KALRN: variants seen among roughly 807,000 people sequenced by gnomAD.
The protein encoded by KALRN is kalirin RhoGEF kinase, also known as kalirin.
In KALRN, 70 loss-of-function variants were observed where a neutral mutation model predicts 353.7. The observed-to-expected ratio is 0.20, with a 90% CI of 0.16 to 0.24. The LOEUF is 0.24. KALRN is among the 10% of genes least tolerant of loss of function. KALRN has a pLI of 1.00. For missense variants in KALRN, 2,791 were observed against 3,756.7 expected (o/e 0.74, Z 6.72); for synonymous variants, 1,391 against 1,434.8 (o/e 0.97, Z 0.69).
intron 51 of KALRN, among the ~76,000 whole-genome samples, chr3:124,680,940 C>G (rs1229112826): frequency 6.6e-6 from 1 of 152,144 alleles, no homozygotes; most frequent in Non-Finnish European, 1.5e-5. Context: ...GGATAGGCAC[C>G]AGCTCTCCTG....
chr3:124,560,323 A>G (rs183837050), intron 33 of KALRN, among the ~76,000 whole-genome samples: 6 of 152,306 alleles, frequency 3.9e-5, no homozygotes, highest in Admixed American at 1.3e-4. Flanking sequence ...TCAAGAAGCA[A>G]CCCTGAGCCC....
At chr3:124,165,061 G>A (rs1012874172) in intron 1 of KALRN, among the ~76,000 whole-genome samples, 20 of 152,170 alleles carry the variant, frequency 1.3e-4, no homozygotes, top group African/African-American at 2.9e-4. Flanking sequence ...TAGGTTTCTC[G>A]TAAACTGAGG....
At chr3:124,047,049 G>A (rs1300026086) in intron 1 of KALRN, among the ~76,000 whole-genome samples, 1 of 147,832 alleles carries the variant, frequency 6.8e-6, no homozygotes, top group Non-Finnish European at 1.5e-5. Flanking sequence ...TGAAGTCAAC[G>A]TTGTGAAATA....
intron 5 of KALRN, among the ~76,000 whole-genome samples, chr3:124,295,281 C>A (rs1034571654): frequency 2.2e-4 from 34 of 152,150 alleles, no homozygotes; most frequent in African/African-American, 7.7e-4. Context: ...CTCTTTGGAG[C>A]GCCACCTCCA....
chr3:124,054,892 C>T (rs1366890685), intron 1 of KALRN, among the ~76,000 whole-genome samples: 1 of 152,156 alleles, frequency 6.6e-6, no homozygotes, highest in African/African-American at 2.4e-5. Context: ...GTAGTTCCAA[C>T]CAAAGGATCT....
At chr3:124,446,080 C>T in intron 19 of KALRN, 81 bp from the exon 20 acceptor site, 1 of 806,990 alleles carries the variant, frequency 1.2e-6, no homozygotes, top group Non-Finnish European at 2.1e-6. Context: ...GGTCACCTGG[C>T]ACCTGGGCCG....
At chr3:124,582,241 G>A (rs2074701359) in intron 34 of KALRN, among the ~76,000 whole-genome samples, 1 of 152,092 alleles carries the variant, frequency 6.6e-6, no homozygotes, top group Non-Finnish European at 1.5e-5. Context: ...GGCTAGTCTT[G>A]AAGTCCTGAC....
At chr3:124,366,160 C>T (rs2084662097) in intron 10 of KALRN, among the ~76,000 whole-genome samples, 1 of 151,786 alleles carries the variant, frequency 6.6e-6, no homozygotes, top group Admixed American at 6.6e-5. Flanking sequence ...GCTACAGAGA[C>T]ATTTTATATG....
At position 124,446,781 on chromosome 3, in the gene KALRN, G is replaced by C. The variant is rs766396402; in HGVS notation, c.3448G>C (p.Glu1150Gln). ...SAKQALDWIQ[E>Q]TGEFYLSTHT... Reference sequence around the variant, plus strand: ...CCCATAGGCGCTTGACTGGATCCAAGAAACAGGTGAATTTTACCTCTCAAC... The same window carrying C: ...CCCATAGGCGCTTGACTGGATCCAACAAACAGGTGAATTTTACCTCTCAAC... Residue 1150 changes from glutamate to glutamine, a missense_variant, in exon 21 of 60, where the codon GAA (glutamate) becomes CAA (glutamine). Glu to Gln is a conservative substitution (Grantham distance 29, BLOSUM62 2). Around this residue, in one of 11 missense-constraint regions of KALRN, gnomAD observed 268 missense variants for 347.0 expected, o/e 0.77. Transcript: ENST00000682506. The C allele has an allele frequency of 6.2e-7, 1 of 1,614,076 alleles. No homozygotes were observed.
intron 39 of KALRN, 57 bp from the exon 40 acceptor site, chr3:124,657,391 G>A (rs776862976): frequency 8.3e-7 from 1 of 1,209,426 alleles, no homozygotes; most frequent in Admixed American, 1.7e-5. Context: ...TGTGTGGCAT[G>A]GCCCAGAAAG....
intron 33 of KALRN, among the ~76,000 whole-genome samples, chr3:124,532,949 A>C (rs1490770163): frequency 6.7e-6 from 1 of 150,100 alleles, no homozygotes; most frequent in Non-Finnish European, 1.5e-5. Flanking sequence ...GAAAAAAAAA[A>C]AACAAATACA....
chr3:124,624,973 C>G (rs1276129753), intron 34 of KALRN, among the ~76,000 whole-genome samples: 4 of 152,056 alleles, frequency 2.6e-5, no homozygotes, highest in African/African-American at 9.7e-5. Context: ...CTTAACATAT[C>G]GAGACTAGCC....
chr3:124,350,334 G>A (rs12486561), intron 10 of KALRN, among the ~76,000 whole-genome samples: 2 of 152,162 alleles, frequency 1.3e-5, no homozygotes, highest in African/African-American at 4.8e-5. Context: ...ACACATTTTT[G>A]AGAGCTTATG....
chr3:124,643,383 C>A (rs115768176), intron 37 of KALRN, among the ~76,000 whole-genome samples: 30 of 152,214 alleles, frequency 2.0e-4, no homozygotes, highest in African/African-American at 7.0e-4. Flanking sequence ...CAGACTTAAG[C>A]TTTTCAACTG....
In KALRN at chr3:124,340,168, C is replaced by T. The variant is rs552624880; in HGVS notation, c.1647+5673C>T. The stretch of plus-strand genomic sequence containing the variant: ...AGCAAATATGCCGTGTGTCATATGG[C>T]GATAGCTGGTGATGAGTGAGTGGAG... On this transcript the variant is annotated intron_variant, in intron 9 of 59. Transcript: ENST00000682506. Among the ~76,000 whole-genome samples the T allele has an allele frequency of 7.2e-5, 11 of 152,174 alleles. 1 individual carries two copies. The highest frequency in any genetic ancestry group is 2.4e-4 in the African/African-American group (10 of 41,500).
intron 1 of KALRN, among the ~76,000 whole-genome samples, chr3:124,045,637 C>A (rs540340410): frequency 1.3e-5 from 2 of 152,170 alleles, no homozygotes; most frequent in South Asian, 2.1e-4. Context: ...TTTATTCTTA[C>A]ACTCATTTAT....
At chr3:124,389,149 T>A (rs984559139) in intron 11 of KALRN, among the ~76,000 whole-genome samples, 1 of 152,178 alleles carries the variant, frequency 6.6e-6, no homozygotes, top group African/African-American at 2.4e-5. Flanking sequence ...TTTCTTTCCT[T>A]CCTCCATTTC....
rs1312243207 is a variant in KALRN at position 124,033,579 on chromosome 3, T to C, written c.-162T>C. 6.6e-6 allele frequency among the ~76,000 whole-genome samples: 1 copy of C among 151,394 alleles called. No individual in the cohort carries two copies. Among genetic ancestry groups the C allele is most frequent in the Non-Finnish European group, 1.5e-5 (1 of 67,794 alleles). On this transcript the variant is annotated 5_prime_UTR_variant, in exon 1 of 60. Transcript: ENST00000682506. The surrounding 1 kb of genome is among the most constrained non-coding windows in gnomAD (Gnocchi z 6.2). ...CGCCTGAGGGAGGCTCAGCGTCCTC[T>C]GCCCCAGCCCCGCCGCCCAACGCCC... is the stretch of plus-strand genomic sequence containing the variant.
At chr3:124,351,634 C>T (rs951155451) in intron 10 of KALRN, among the ~76,000 whole-genome samples, 1 of 152,170 alleles carries the variant, frequency 6.6e-6, no homozygotes, top group South Asian at 2.1e-4. Context: ...AAATACATTT[C>T]CACCCTAGGG....
Sources: gnomAD v4.1 joint callset for allele counts (sites outside exome capture counted in the v4.1 genomes callset) on GRCh38, gnomAD v4.1.1 for gene constraint, gnomAD v4.1.1 regional missense constraint, Gnocchi (gnomAD v3.1) non-coding constraint, MANE v1.5 for transcripts, NCBI Gene and HGNC (gene_info 2026-07-23, HGNC 2026-07-21) for gene names.